Variants in SMYD1 observed in about 807,000 individuals in gnomAD.
The protein encoded by SMYD1 is SET and MYND domain containing 1.
SMYD1 carries 49 observed loss-of-function variants against 54.0 expected under a neutral mutation model. That is an observed-to-expected ratio of 0.91 (90% CI 0.72 to 1.15). The LOEUF (loss-of-function observed/expected upper bound fraction) is 1.15, where lower values mean the gene tolerates loss of function less well. Ranked by LOEUF, SMYD1 falls within the 50% of genes most tolerant of loss-of-function variation. The pLI is 0.00. For synonymous variants in SMYD1, 269 were observed against 234.2 expected (o/e 1.15, Z -1.36); for missense variants, 653 against 639.6 (o/e 1.02, Z -0.23).
rs1311717566 is a variant in SMYD1 at position 88,113,250 on chromosome 2, G to T, written c.*2738G>T. On this transcript the variant is annotated 3_prime_UTR_variant, in exon 10 of 10. Transcript: ENST00000419482. ...GGTAGGTGCTCAGTAAATGTGTGTT[G>T]AATAAATGAATGAATGAATGAACAA... The T allele has an allele frequency of 3.9e-5, 6 of 152,126 alleles. No individual in the cohort carries two copies. Among genetic ancestry groups the T allele is most frequent in the Non-Finnish European group, 8.8e-5 (6 of 68,014 alleles). 9.4% of individuals were successfully genotyped at this position (152,126 alleles called of 1,614,324 possible).
chr2:88,102,373 T>G (rs1306796507), intron 6 of SMYD1, among the ~76,000 whole-genome samples: 1 of 151,516 alleles, frequency 6.6e-6, no homozygotes, highest in East Asian at 1.9e-4. Context: ...GTTTTGTTTT[T>G]TTTGGTAAGA....
Position 88,110,584 on chromosome 2 carries a change from G to A in SMYD1, c.*72G>A, listed in dbSNP as rs1674999265. 2 of 1,436,310 alleles carry A rather than the reference G, an allele frequency of 1.4e-6. No homozygotes were observed. Among genetic ancestry groups the A allele is most frequent in the South Asian group, 1.5e-5 (1 of 66,724 alleles). 89.0% of individuals were successfully genotyped at this position (1,436,310 alleles called of 1,614,324 possible). ...AGACTCTGGAGGTGGTGGGTCTCTC[G>A]GGAGACCCCTAATGAGGAAGTTGAG... On this transcript the variant is annotated 3_prime_UTR_variant, in exon 10 of 10. Coordinates refer to ENST00000419482, the MANE Select transcript of SMYD1 (RefSeq NM_198274.4).
At chr2:88,088,159 T>C in intron 3 of SMYD1, 84 bp downstream of exon 3, 5 of 1,410,964 alleles carry the variant, frequency 3.5e-6, no homozygotes, top group Non-Finnish European at 4.8e-6. Flanking sequence ...GTGGGGCTTC[T>C]CAGAAGTGAA....
At chr2:88,101,385 A>G (rs1674717300) in intron 6 of SMYD1, among the ~76,000 whole-genome samples, 1 of 152,216 alleles carries the variant, frequency 6.6e-6, no homozygotes. Flanking sequence ...GATGATATAG[A>G]TAGTTTTATA....
At chr2:88,088,237 A>G (rs1053685947) in intron 3 of SMYD1, among the ~76,000 whole-genome samples, 162 bp downstream of exon 3, 2 of 152,224 alleles carry the variant, frequency 1.3e-5, no homozygotes, top group Non-Finnish European at 2.9e-5. Flanking sequence ...CATCTAGCCC[A>G]GGCAGCCAGA....
At chr2:88,068,077 AATC>A (rs1673870441) in intron 1 of SMYD1, 76 bp downstream of exon 1, 1 of 1,508,078 alleles carries the variant, frequency 6.6e-7, no homozygotes. Flanking sequence ...TGCTCTCAAA[AATC>A]ATCAGGGGAA....
intron 9 of SMYD1, 113 bp downstream of exon 9, chr2:88,108,652 A>C (rs1674941866): frequency 8.7e-7 from 1 of 1,152,682 alleles, no homozygotes; most frequent in Admixed American, 3.1e-5. Flanking sequence ...CCAGCTAGAC[A>C]AAAGGGAACT....
In SMYD1 at chr2:88,096,795, C is replaced by T; in HGVS notation, c.888+11C>T. 1 of 1,608,624 alleles carries T rather than the reference C, an allele frequency of 6.2e-7. No homozygotes were observed. The highest frequency in any genetic ancestry group is 8.5e-7 in the Non-Finnish European group (1 of 1,177,456). The stretch of plus-strand genomic sequence containing the variant: ...AAAGACAACCCCAAGGTACACACAG[C>T]CCTGCTGCTGAGGTGTTTGTGTCTG... On this transcript the variant is annotated intron_variant, in intron 6 of 9. Transcript: ENST00000419482.
rs554696449 is a variant in SMYD1, at chr2:88,094,204, C to T, written c.698+649C>T. On this transcript the variant is annotated intron_variant, in intron 5 of 9. Transcript: ENST00000419482. Reference sequence around the variant, plus strand: ...TGCTGGGGTAGAAGTGGTTGGTGCACTTGAGTCTGTGCTGGTGTGCACTGC... The same window carrying T: ...TGCTGGGGTAGAAGTGGTTGGTGCATTTGAGTCTGTGCTGGTGTGCACTGC... Among the ~76,000 whole-genome samples, 28 of 152,298 alleles carry T rather than the reference C, an allele frequency of 1.8e-4. No individual in the cohort carries two copies. In the South Asian group the frequency reaches 5.8e-3, roughly 32 times the overall value.
chr2:88,075,534 CTTTTT>C (rs35091980), intron 1 of SMYD1, among the ~76,000 whole-genome samples: 2 of 103,544 alleles, frequency 1.9e-5, no homozygotes. Flanking sequence ...CCTTTTAATT[CTTTTT>C]TTTTTTTTTT....
At chr2:88,093,612 G>T in intron 5 of SMYD1, 57 bp downstream of exon 5, 2 of 1,600,292 alleles carry the variant, frequency 1.2e-6, no homozygotes, top group South Asian at 2.2e-5. Context: ...TCACTTACCT[G>T]GTTTGCTGGG....
chr2:88,091,002 C>T lies in SMYD1; in HGVS notation c.529-10C>T. 6.2e-7 allele frequency: 1 copy of T among 1,610,552 alleles called. No homozygotes were observed. The highest frequency in any genetic ancestry group is 8.5e-7 in the Non-Finnish European group (1 of 1,177,896). ...TGTCGACTGACTCTTTCATCTTTTC[C>T]CCTGGGTAGATTAACTGCAACGGTT... On this transcript the variant is annotated splice_polypyrimidine_tract_variant and intron_variant, in intron 3 of 9. Transcript: ENST00000419482.
chr2:88,071,346 G>T (rs1391024128), intron 1 of SMYD1, among the ~76,000 whole-genome samples: 1 of 152,184 alleles, frequency 6.6e-6, no homozygotes, highest in African/African-American at 2.4e-5. Context: ...AACCTGAATT[G>T]TGTCTTTGTT....
At chr2:88,088,128 C>T in intron 3 of SMYD1, 53 bp downstream of exon 3, 2 of 1,526,372 alleles carry the variant, frequency 1.3e-6, no homozygotes, top group East Asian at 2.4e-5. Context: ...CTCTTTCCTT[C>T]CCTCCTCCCA....
At chr2:88,068,439 C>T (rs1478758735) in intron 1 of SMYD1, among the ~76,000 whole-genome samples, 1 of 151,982 alleles carries the variant, frequency 6.6e-6, no homozygotes, top group African/African-American at 2.4e-5. Context: ...TATGAATAAC[C>T]CAGGAATCCA....
intron 1 of SMYD1, among the ~76,000 whole-genome samples, chr2:88,083,558 G>A (rs1674249361): frequency 6.6e-6 from 1 of 152,080 alleles, no homozygotes; most frequent in South Asian, 2.1e-4. Context: ...CAGTAATCTT[G>A]TCATTCTTAC....
At chr2:88,086,056 T>A (rs566128078) in intron 2 of SMYD1, among the ~76,000 whole-genome samples, 1 of 152,178 alleles carries the variant, frequency 6.6e-6, no homozygotes, top group Non-Finnish European at 1.5e-5. Context: ...TGAAGCTACA[T>A]AGGTGATAGC....
At chr2:88,089,323 T>A (rs1187908154) in intron 3 of SMYD1, among the ~76,000 whole-genome samples, 1 of 152,202 alleles carries the variant, frequency 6.6e-6, no homozygotes, top group Non-Finnish European at 1.5e-5. Flanking sequence ...CACAGAAGCA[T>A]ACATTATAGT....
At chr2:88,078,588 G>C (rs1187239997) in intron 1 of SMYD1, among the ~76,000 whole-genome samples, 3 of 140,062 alleles carry the variant, frequency 2.1e-5, no homozygotes, top group African/African-American at 8.0e-5. Context: ...AGAGGGACAG[G>C]CTTAAAAAAA....
Sources: allele counts gnomAD v4.1 joint callset (sites outside exome capture counted in the v4.1 genomes callset), GRCh38; gene constraint gnomAD v4.1.1; transcripts MANE v1.5; gene names NCBI Gene and HGNC (gene_info 2026-07-23, HGNC 2026-07-21).